Variants in DGKB observed in about 807,000 individuals in gnomAD.
The protein encoded by DGKB is diacylglycerol kinase beta, also known as 90 kDa diacylglycerol kinase.
In DGKB, 67 loss-of-function variants were observed where a neutral mutation model predicts 114.3. The observed-to-expected ratio is 0.59, with a 90% confidence interval of 0.48 to 0.72. The LOEUF (loss-of-function observed/expected upper bound fraction) is 0.72, where lower values mean the gene tolerates loss of function less well. DGKB is among the 30% of genes least tolerant of loss of function. DGKB has a pLI of 0.00. For missense variants in DGKB, 907 were observed against 975.2 expected, an observed-to-expected ratio of 0.93 and a Z score of 0.93; for synonymous variants, 398 against 323.1, an observed-to-expected ratio of 1.23 and a Z score of -2.49.
chr7:14,748,472 T>C (rs1410137277), intron 4 of DGKB, among the ~76,000 whole-genome samples: 1 of 152,174 alleles, frequency 6.6e-6, no homozygotes, highest in Admixed American at 6.5e-5. Context: ...AGAAGACAGC[T>C]AGTACAATGG....
intron 23 of DGKB, among the ~76,000 whole-genome samples, chr7:14,302,742 ACCCAACAAATG>A (rs1326696115): frequency 1.3e-5 from 2 of 152,054 alleles, no homozygotes; most frequent in African/African-American, 4.8e-5. Flanking sequence ...ACAACTGAAA[ACCCAACAAATG>A]CTCCATATCG....
intron 25 of DGKB, among the ~76,000 whole-genome samples, chr7:14,153,296 TCCTTTC>T (rs1414185497): frequency 1.4e-4 from 21 of 152,244 alleles, no homozygotes; most frequent in African/African-American, 5.1e-4. Flanking sequence ...CCGCTCGACA[TCCTTTC>T]CATAAGCATT....
intron 2 of DGKB, among the ~76,000 whole-genome samples, chr7:14,803,890 A>G (rs896041703): frequency 1.2e-4 from 18 of 152,130 alleles, no homozygotes; most frequent in Non-Finnish European, 2.1e-4. Flanking sequence ...TTACTGTTCT[A>G]AAAGATACTT....
intron 23 of DGKB, among the ~76,000 whole-genome samples, chr7:14,281,719 G>A (rs546189517): frequency 5.4e-4 from 82 of 152,018 alleles, no homozygotes; most frequent in Admixed American, 2.4e-3. Context: ...ACTCAAAACC[G>A]CTCAACTACA....
chr7:14,968,850 CAT>C (rs1268696640), intron 1 of DGKB, among the ~76,000 whole-genome samples: 1 of 152,170 alleles, frequency 6.6e-6, no homozygotes, highest in Non-Finnish European at 1.5e-5. Flanking sequence ...ATTGACCATA[CAT>C]TTGCATCATG....
chr7:14,528,262 T>C (rs979394450), intron 20 of DGKB, among the ~76,000 whole-genome samples: 1 of 152,088 alleles, frequency 6.6e-6, no homozygotes, highest in South Asian at 2.1e-4. Context: ...CATTCTCTCA[T>C]GGAGTTTTTG....
chr7:14,145,887 A>G lies in DGKB; in HGVS notation c.*3244T>C, dbSNP rs533730099. On this transcript the variant is annotated 3_prime_UTR_variant, in exon 26 of 26. Transcript: ENST00000402815. The stretch of plus-strand genomic sequence containing the variant: ...AGGAGAATACAGTGTGAGATTCAAA[A>G]CATATTCTTCCCTGAAAAATTGCAA... The G allele has an allele frequency of 1.3e-5, 2 of 152,342 alleles. No homozygotes were observed. Among genetic ancestry groups the G allele is most frequent in the South Asian group, 4.1e-4 (2 of 4,826 alleles). The allele number at this position is 152,342 out of a possible 1,614,324, so 9.4% of individuals were successfully genotyped here.
chr7:14,505,847 C>T (rs1311423655), intron 20 of DGKB, among the ~76,000 whole-genome samples: 1 of 152,202 alleles, frequency 6.6e-6, no homozygotes, highest in Non-Finnish European at 1.5e-5. Flanking sequence ...CTACAGGACA[C>T]TTGCTTACTT....
intron 20 of DGKB, among the ~76,000 whole-genome samples, chr7:14,530,991 G>T (rs1385860333): frequency 6.6e-6 from 1 of 151,304 alleles, no homozygotes; most frequent in East Asian, 1.9e-4. Context: ...GATAACTTTA[G>T]ACCATTTAAT....
intron 23 of DGKB, among the ~76,000 whole-genome samples, chr7:14,270,834 G>T (rs903532887): frequency 1.3e-5 from 2 of 152,152 alleles, no homozygotes; most frequent in African/African-American, 4.8e-5. Flanking sequence ...CTTTCTGTAG[G>T]GGGGTGGGGT....
intron 2 of DGKB, among the ~76,000 whole-genome samples, chr7:14,806,396 T>C (rs1410208413): frequency 6.6e-6 from 1 of 152,106 alleles, no homozygotes; most frequent in African/African-American, 2.4e-5. Context: ...TGTATACGTA[T>C]AAATTAAAAT....
chr7:14,553,519 ATATC>A (rs1260813702), intron 20 of DGKB, among the ~76,000 whole-genome samples: 1 of 152,246 alleles, frequency 6.6e-6, no homozygotes, highest in Non-Finnish European at 1.5e-5. Context: ...AGCTATAGTT[ATATC>A]TATCCAGTTA....
chr7:14,925,873 C>T (rs35762122), intron 1 of DGKB, among the ~76,000 whole-genome samples: 14,629 of 151,964 alleles, frequency 0.096, 995 homozygotes, highest in Middle Eastern at 0.16. Flanking sequence ...GGTCCCCCCC[C>T]CACTTCCAGT....
At chr7:14,621,819 G>T (rs1001128617) in intron 14 of DGKB, among the ~76,000 whole-genome samples, 6 of 152,028 alleles carry the variant, frequency 3.9e-5, no homozygotes, top group Admixed American at 3.9e-4. Context: ...TACAGATAAA[G>T]GGTACAGGAT....
rs79789811 is a variant in DGKB at position 14,759,638 on chromosome 7, A to G, written c.71-1907T>C. Reference sequence around the variant, plus strand: ...TATTCCATTATAATGAATATACTCCATTTAATAAATCTATTTATCAGCTGA... The same window carrying G: ...TATTCCATTATAATGAATATACTCCGTTTAATAAATCTATTTATCAGCTGA... On this transcript the variant is annotated intron_variant, in intron 2 of 25. Coordinates refer to ENST00000402815, the MANE Select transcript of DGKB (RefSeq NM_001350709.2). Among the ~76,000 whole-genome samples, 336 of 152,332 alleles carry G rather than the reference A, an allele frequency of 2.2e-3. 1 individual carries two copies. The highest frequency in any genetic ancestry group is 7.7e-3 in the African/African-American group (321 of 41,578).
At chr7:14,909,971 C>T (rs1328526691) in intron 1 of DGKB, among the ~76,000 whole-genome samples, 1 of 151,906 alleles carries the variant, frequency 6.6e-6, no homozygotes, top group Non-Finnish European at 1.5e-5. Context: ...CCTTGAGAGG[C>T]CGAGGTGGGT....
intron 20 of DGKB, among the ~76,000 whole-genome samples, chr7:14,532,772 C>A (rs146430454): frequency 6.6e-6 from 1 of 151,584 alleles, no homozygotes; most frequent in Admixed American, 6.6e-5. Flanking sequence ...CATTATCAAG[C>A]ATATACACTA....
intron 25 of DGKB, among the ~76,000 whole-genome samples, chr7:14,169,390 C>G (rs1045358061): frequency 2.1e-5 from 3 of 139,924 alleles, no homozygotes; most frequent in Admixed American, 7.0e-5. Flanking sequence ...AAAAGAAATG[C>G]AAACCATGAG....
In DGKB at chr7:14,949,914, G is replaced by A. The variant is rs537842440; in HGVS notation, c.-188+24782C>T. ...TGGAATTGAACAATGAGAACATTTG[G>A]ACACAGGAAGGGAAACATCACACAC... On this transcript the variant is annotated intron_variant, in intron 1 of 4. Transcript: ENST00000437998. Among the ~76,000 whole-genome samples, 6 of 151,448 alleles carry A rather than the reference G, an allele frequency of 4.0e-5. No homozygotes were observed. In the South Asian group the frequency reaches 1.3e-3, roughly 32 times the overall value.
Sources: allele counts gnomAD v4.1 joint callset (sites outside exome capture counted in the v4.1 genomes callset), GRCh38; gene constraint gnomAD v4.1.1; transcripts MANE v1.5; gene names NCBI Gene and HGNC (gene_info 2026-07-23, HGNC 2026-07-21).